ARHGEF10: variants seen among roughly 807,000 people sequenced by gnomAD.
The protein encoded by ARHGEF10 is Rho guanine nucleotide exchange factor (GEF) 10.
Under a neutral mutation model 147.4 loss-of-function variants are expected in ARHGEF10, and 140 were observed. That is an observed-to-expected ratio of 0.95 (90% CI 0.83 to 1.09). The LOEUF (loss-of-function observed/expected upper bound fraction) is 1.09. Ranked by LOEUF, ARHGEF10 falls within the 50% of genes least tolerant of loss-of-function variation. The pLI, the probability that ARHGEF10 is intolerant of heterozygous loss-of-function variation, is 0.00. For synonymous variants in ARHGEF10, 902 were observed against 695.8 expected, an observed-to-expected ratio of 1.30 and a Z score of -4.67; for missense variants, 2,222 against 1,752.7, an observed-to-expected ratio of 1.27 and a Z score of -4.78.
At chr8:1,933,280 T>G (rs918566507) in intron 25 of ARHGEF10, among the ~76,000 whole-genome samples, 1 of 152,214 alleles carries the variant, frequency 6.6e-6, no homozygotes, top group African/African-American at 2.4e-5. Flanking sequence ...AAGCAGCTAA[T>G]GGGGAAATGT....
chr8:1,887,799 G>T (rs1240939967), intron 11 of ARHGEF10, among the ~76,000 whole-genome samples: 1 of 148,612 alleles, frequency 6.7e-6, no homozygotes, highest in African/African-American at 2.5e-5. Flanking sequence ...GTGGAGTAAG[G>T]GTTGTGGGGA....
chr8:1,862,431 C>A (rs1011851981), intron 4 of ARHGEF10, among the ~76,000 whole-genome samples: 1 of 152,266 alleles, frequency 6.6e-6, no homozygotes, highest in African/African-American at 2.4e-5. Flanking sequence ...TGTTTACGCA[C>A]GGGCTGTTGT....
intron 27 of ARHGEF10, among the ~76,000 whole-genome samples, chr8:1,949,999 G>C (rs1814899331): frequency 6.6e-6 from 1 of 152,150 alleles, no homozygotes; most frequent in African/African-American, 2.4e-5. Context: ...CAGCCTCCAG[G>C]GCGGGAGATG....
At chr8:1,846,810 C>T (rs1804597947) in intron 2 of ARHGEF10, among the ~76,000 whole-genome samples, 1 of 152,200 alleles carries the variant, frequency 6.6e-6, no homozygotes, top group Admixed American at 6.5e-5. Flanking sequence ...CTCCTGACCT[C>T]AAGTGATCTG....
At chr8:1,864,333 T>A (rs762276662) in intron 4 of ARHGEF10, 40 bp from the exon 5 acceptor site, 1 of 1,603,214 alleles carries the variant, frequency 6.2e-7, no homozygotes, top group South Asian at 1.1e-5. Context: ...AGCATTTTTG[T>A]CAGGCGTAAA....
rs1815612504 is a variant in ARHGEF10 at position 1,956,881 on chromosome 8, A to T, written c.3653A>T (p.Asp1218Val). ...CCTGGCCCCGAGCCTCAGGACGAAGACCAGAAGGACGCACTTCCGAGTGGA... is the reference window on the plus strand; with the variant it reads ...CCTGGCCCCGAGCCTCAGGACGAAGTCCAGAAGGACGCACTTCCGAGTGGA... ...LAPGPEPQDE[D>V]QKDALPSGGA... The change falls in exon 29 of 29, where the codon GAC becomes GTC. Residue 1218 changes from aspartate to valine, a missense_variant. Coordinates refer to ENST00000349830, the MANE Select transcript of ARHGEF10 (RefSeq NM_014629.4). The T allele has an allele frequency of 6.2e-7, 1 of 1,614,110 alleles. No individual in the cohort carries two copies. Among genetic ancestry groups the T allele is most frequent in the African/African-American group, 1.3e-5 (1 of 75,044 alleles).
intron 7 of ARHGEF10, among the ~76,000 whole-genome samples, chr8:1,875,410 C>G (rs142608490): frequency 6.6e-6 from 1 of 152,212 alleles, no homozygotes; most frequent in Non-Finnish European, 1.5e-5. Flanking sequence ...TGACTCTTGG[C>G]TCTTGGGCAT....
chr8:1,941,790 C>G (rs143780578), intron 26 of ARHGEF10, among the ~76,000 whole-genome samples: 7 of 152,270 alleles, frequency 4.6e-5, no homozygotes, highest in Admixed American at 1.3e-4. Flanking sequence ...GACCGGAGAC[C>G]ACGTGTGTCT....
chr8:1,841,375 T>C (rs1031135000), intron 1 of ARHGEF10, among the ~76,000 whole-genome samples: 2 of 152,144 alleles, frequency 1.3e-5, no homozygotes, highest in African/African-American at 4.8e-5. Context: ...CCAGGGCGAT[T>C]TTGGAAAGCA....
intron 27 of ARHGEF10, chr8:1,945,919 G>GCTGGGA: frequency 5.4e-5 from 33 of 615,818 alleles, no homozygotes; most frequent in Non-Finnish European, 8.6e-5. Context: ...GGAGCCGCGT[G>GCTGGGA]GCAGTGCCAT....
At chr8:1,867,396 A>G (rs1806717213) in intron 6 of ARHGEF10, among the ~76,000 whole-genome samples, 2 of 152,354 alleles carry the variant, frequency 1.3e-5, no homozygotes, top group South Asian at 2.1e-4. Flanking sequence ...GAAACATCCA[A>G]AAGTGCATCA....
chr8:1,894,235 A>G (rs1413394714), intron 12 of ARHGEF10, among the ~76,000 whole-genome samples, 158 bp from the exon 13 acceptor site: 7 of 151,464 alleles, frequency 4.6e-5, no homozygotes, highest in Non-Finnish European at 8.8e-5. Context: ...CTATAATCCC[A>G]GTTACTTGGG....
At chr8:1,934,354 C>CAAAAAAA (rs36102342) in intron 26 of ARHGEF10, among the ~76,000 whole-genome samples, 2 of 117,424 alleles carry the variant, frequency 1.7e-5, no homozygotes, top group Non-Finnish European at 3.4e-5. Context: ...ACCCTGTCTC[C>CAAAAAAA]AAAAAAAAAA....
At chr8:1,849,482 G>A (rs545716497) in intron 2 of ARHGEF10, among the ~76,000 whole-genome samples, 1 of 148,960 alleles carries the variant, frequency 6.7e-6, no homozygotes, top group East Asian at 2.0e-4. Context: ...CAAATGCTGA[G>A]GGGGGCGTGG....
At chr8:1,928,693 C>T (rs1165217304) in intron 24 of ARHGEF10, 43 bp downstream of exon 24, 2 of 1,601,672 alleles carry the variant, frequency 1.2e-6, no homozygotes, top group Admixed American at 1.7e-5. Flanking sequence ...GCAAGCTCTG[C>T]CCATGGAGGG....
At chr8:1,889,430 G>C (rs1477712451) in intron 11 of ARHGEF10, among the ~76,000 whole-genome samples, 5 of 57,618 alleles carry the variant, frequency 8.7e-5, no homozygotes, top group Admixed American at 3.6e-4. Flanking sequence ...TGGGGTGAGG[G>C]GTCTGTGAGG....
At chr8:1,866,222 A>G (rs1180368020) in intron 5 of ARHGEF10, among the ~76,000 whole-genome samples, 1 of 152,166 alleles carries the variant, frequency 6.6e-6, no homozygotes, top group Non-Finnish European at 1.5e-5. Flanking sequence ...CTGAAAAACC[A>G]GAAGACAGTT....
chr8:1,954,946 G>A lies in ARHGEF10; in HGVS notation c.3521-1803G>A, dbSNP rs1585675900. Among the ~76,000 whole-genome samples the A allele has an allele frequency of 2.7e-5, 4 of 149,682 alleles. No individual in the cohort carries two copies. The East Asian group carries it at 7.8e-4, about 29-fold the overall frequency. On this transcript the variant is annotated intron_variant, in intron 28 of 28. Transcript: ENST00000349830. ...GAGGTGCCCTCATTGCCTCTGGATG[G>A]ATAGCCAGGTGCTCCCTGAAAGGAG...
chr8:1,870,788 T>C (rs1396407534), intron 7 of ARHGEF10: 1 of 152,192 alleles, frequency 6.6e-6, no homozygotes, highest in Non-Finnish European at 1.5e-5. Flanking sequence ...TTAAGAAAAC[T>C]GTCTCTGCTA....
Sources: allele counts gnomAD v4.1 joint callset (sites outside exome capture counted in the v4.1 genomes callset), GRCh38; gene constraint gnomAD v4.1.1; transcripts MANE v1.5; gene names NCBI Gene and HGNC (gene_info 2026-07-23, HGNC 2026-07-21).